Variants in PSMB7 observed in about 807,000 individuals in gnomAD.
PSMB7 encodes proteasome subunit beta type-7.
A neutral mutation model predicts 28.1 loss-of-function variants in PSMB7; 5 were observed. That is an observed-to-expected ratio of 0.18 (90% confidence interval 0.09 to 0.37). PSMB7 has a LOEUF of 0.37. Among genes scored for constraint, PSMB7 ranks in the 10% least tolerant of loss-of-function variants. The probability of loss-of-function intolerance (pLI) is 1.00; values close to 1 mark genes in which losing one functional copy is unlikely to be tolerated. For missense variants in PSMB7, 275 were observed against 346.2 expected, an observed-to-expected ratio of 0.79 and a Z score of 1.63; for synonymous variants, 122 against 123.7, an observed-to-expected ratio of 0.99 and a Z score of 0.09.
chr9:124,375,801 A>T (rs1348765934), intron 6 of PSMB7, among the ~76,000 whole-genome samples: 3 of 152,224 alleles, frequency 2.0e-5, no homozygotes, highest in African/African-American at 7.2e-5. Flanking sequence ...TGCTTCGGCT[A>T]AACACGGATA....
At chr9:124,355,562 G>C (rs1830395552) in intron 7 of PSMB7, among the ~76,000 whole-genome samples, 1 of 152,234 alleles carries the variant, frequency 6.6e-6, no homozygotes, top group South Asian at 2.1e-4. Flanking sequence ...CAGCGAAGCA[G>C]GCTACATGGA....
At position 124,356,698 on chromosome 9, in the gene PSMB7, CATGGAG is replaced by C; in HGVS notation, c.722+60_722+65del. ...AACCAGGAAAACTCCATCCAGATGC[CATGGAG>C]ATACCAAGGGTGGCCACGACGCCAG... On this transcript the variant is annotated intron_variant, in intron 7 of 7. Coordinates refer to ENST00000259457, the MANE Select transcript of PSMB7 (RefSeq NM_002799.4). This position sits in a 1 kb window ranked among gnomAD's most constrained non-coding sequence, Gnocchi z 4.4. 6.5e-7 allele frequency: 1 copy of C among 1,527,344 alleles called. No individual in the cohort carries two copies. The highest frequency in any genetic ancestry group is 1.8e-5 in the Admixed American group (1 of 54,320). The allele number at this position is 1,527,344 out of a possible 1,614,324, so 94.6% of individuals were successfully genotyped here. A position where few individuals can be genotyped will look rare whatever the true frequency, so the allele number is the denominator to read the frequency against.
chr9:124,374,058 C>A (rs1830586663), intron 6 of PSMB7, among the ~76,000 whole-genome samples: 1 of 152,086 alleles, frequency 6.6e-6, no homozygotes, highest in African/African-American at 2.4e-5. Flanking sequence ...ACTATTTGAC[C>A]ATCAAAAAGA....
At chr9:124,411,018 CAGGCTAG>C (rs749557274) in intron 4 of PSMB7, among the ~76,000 whole-genome samples, 7 of 151,944 alleles carry the variant, frequency 4.6e-5, no homozygotes, top group Admixed American at 1.3e-4. Flanking sequence ...TTCTGTCACC[CAGGCTAG>C]AGTGCAGTGG....
At chr9:124,400,962 G>T (rs1387395756) in intron 5 of PSMB7, among the ~76,000 whole-genome samples, 1 of 152,092 alleles carries the variant, frequency 6.6e-6, no homozygotes, top group Non-Finnish European at 1.5e-5. Flanking sequence ...AATTCTATAG[G>T]CCCACGTAAG....
At position 124,391,585 on chromosome 9, in the gene PSMB7, T is replaced by C. The variant is rs77488655; in HGVS notation, c.512-6929A>G. 4.2e-3 allele frequency among the ~76,000 whole-genome samples: 646 copies of C among 152,166 alleles called. 28 individuals are homozygous for C. In the East Asian group the frequency reaches 0.11, roughly 27 times the overall value. ...AAATGATTAAACATATGCCATTCAC[T>C]GTTTAGCAATGCCACTCAAGTATCT... On this transcript the variant is annotated intron_variant, in intron 5 of 7. Coordinates refer to ENST00000259457, the MANE Select transcript of PSMB7 (RefSeq NM_002799.4).
intron 5 of PSMB7, among the ~76,000 whole-genome samples, chr9:124,394,506 G>C (rs1038543156): frequency 6.6e-6 from 1 of 152,152 alleles, no homozygotes; most frequent in African/African-American, 2.4e-5. Flanking sequence ...AAAGTGCTCT[G>C]GCAAGGGCTT....
chr9:124,362,397 G>C (rs1830471920), intron 6 of PSMB7, among the ~76,000 whole-genome samples: 1 of 152,230 alleles, frequency 6.6e-6, no homozygotes, highest in African/African-American at 2.4e-5. Context: ...CATGCCAGGA[G>C]GAAGGGGTGC....
intron 6 of PSMB7, among the ~76,000 whole-genome samples, chr9:124,358,798 C>G (rs1182769733): frequency 6.6e-6 from 1 of 152,246 alleles, no homozygotes; most frequent in Non-Finnish European, 1.5e-5. Flanking sequence ...TGCTTTGTTT[C>G]TTATCACTGC....
At chr9:124,362,166 T>C (rs1830470088) in intron 6 of PSMB7, among the ~76,000 whole-genome samples, 1 of 152,268 alleles carries the variant, frequency 6.6e-6, no homozygotes. Context: ...ATATGGCAAG[T>C]CATTTGACAT....
chr9:124,407,598 T>C (rs916537425), intron 4 of PSMB7, among the ~76,000 whole-genome samples: 3 of 152,232 alleles, frequency 2.0e-5, no homozygotes, highest in Non-Finnish European at 2.9e-5. Context: ...AGCTAAAATA[T>C]CAACTGTTAG....
chr9:124,382,164 G>A (rs1830673436), intron 6 of PSMB7, among the ~76,000 whole-genome samples: 1 of 145,172 alleles, frequency 6.9e-6, no homozygotes, highest in South Asian at 2.3e-4. Flanking sequence ...CTCCAGCCTG[G>A]ATGACAGAGT....
intron 6 of PSMB7, among the ~76,000 whole-genome samples, chr9:124,382,125 T>C (rs937186222): frequency 9.6e-5 from 14 of 146,530 alleles, no homozygotes; most frequent in Non-Finnish European, 2.1e-4. Flanking sequence ...GAGGCAGAGG[T>C]TGCAGTGAGC....
rs1830413624 is a variant in PSMB7, at chr9:124,356,894, C to T, written c.592G>A (p.Val198Met). 1.9e-6 allele frequency: 3 copies of T among 1,614,194 alleles called. No homozygotes were observed. ...DMEEEEAKNL[V>M]SEAIAAGIFN... is the part of the protein sequence containing the mutation. The stretch of plus-strand genomic sequence containing the variant: ...ATGCCAGCTGCGATGGCTTCGCTCA[C>T]CAGATTCTTGGCTTCCTCCTCCTGA... Residue 198 changes from valine (V) to methionine (M), a missense_variant, in exon 7 of 8, where the codon GTG becomes ATG. Physicochemically the swap from Val to Met is conservative, Grantham distance 21. Transcript: ENST00000259457. This position sits in a 1 kb window ranked among gnomAD's most constrained non-coding sequence, Gnocchi z 4.4.
intron 6 of PSMB7, among the ~76,000 whole-genome samples, chr9:124,380,837 G>A (rs1830656940): frequency 6.6e-6 from 1 of 152,238 alleles, no homozygotes; most frequent in South Asian, 2.1e-4. Flanking sequence ...AGAGCAGGTG[G>A]CACCTGGATA....
chr9:124,392,433 C>A (rs181339942), intron 5 of PSMB7, among the ~76,000 whole-genome samples: 3 of 152,162 alleles, frequency 2.0e-5, no homozygotes, highest in Admixed American at 6.5e-5. Context: ...TCAAGCACAG[C>A]GTGAATGATG....
At chr9:124,413,865 A>G in intron 3 of PSMB7, 43 bp downstream of exon 3, 1 of 1,380,414 alleles carries the variant, frequency 7.2e-7, no homozygotes, top group Non-Finnish European at 1.0e-6. Context: ...TAGCCCTGAC[A>G]TGTTTGAAAA....
At chr9:124,387,877 A>G (rs1245754923) in intron 5 of PSMB7, among the ~76,000 whole-genome samples, 1 of 152,000 alleles carries the variant, frequency 6.6e-6, no homozygotes, top group Non-Finnish European at 1.5e-5. Context: ...AAGGAACAAG[A>G]AGTTGGCCAT....
chr9:124,386,403 C>T (rs1232937203), intron 5 of PSMB7, among the ~76,000 whole-genome samples: 3 of 152,174 alleles, frequency 2.0e-5, no homozygotes, highest in Admixed American at 2.0e-4. Context: ...GGAAAGTTAA[C>T]CTAAGTTGCT....
Sources: gnomAD v4.1 joint callset for allele counts (sites outside exome capture counted in the v4.1 genomes callset) on GRCh38, gnomAD v4.1.1 for gene constraint, Gnocchi (gnomAD v3.1) non-coding constraint, MANE v1.5 for transcripts, NCBI Gene and HGNC (gene_info 2026-07-23, HGNC 2026-07-21) for gene names.